Variants in KANK2 observed in about 807,000 individuals in gnomAD.
The protein encoded by KANK2 is KN motif and ankyrin repeat domains 2.
A neutral mutation model predicts 74.6 loss-of-function variants in KANK2; 41 were observed. That is an observed-to-expected ratio of 0.55 (90% confidence interval 0.43 to 0.71). KANK2 has a LOEUF of 0.71. Among genes scored for constraint, KANK2 ranks in the 30% least tolerant of loss-of-function variants. KANK2 has a pLI of 0.00. For missense variants in KANK2, 1,148 were observed against 1,196.4 expected (o/e 0.96, Z 0.60); for synonymous variants, 537 against 519.0 (o/e 1.03, Z -0.47).
chr19:11,189,196 GTCC>G (rs924801358), intron 4 of KANK2, among the ~76,000 whole-genome samples: 2 of 146,244 alleles, frequency 1.4e-5, no homozygotes, highest in Non-Finnish European at 3.0e-5. Flanking sequence ...GGCTCAAGCA[GTCC>G]TCCTGTTTTG....
chr19:11,175,837 G>T, intron 8 of KANK2, 65 bp downstream of exon 8: 7 of 1,191,406 alleles, frequency 5.9e-6, no homozygotes, highest in Non-Finnish European at 8.7e-6. Context: ...ATGAGGAGAG[G>T]CCACGGGTGG....
At position 11,193,713 on chromosome 19, in the gene KANK2, G is replaced by A. The variant is rs766779587; in HGVS notation, c.367C>T (p.Arg123Trp). 6.8e-6 allele frequency: 11 copies of A among 1,611,974 alleles called. No homozygotes were observed. The African/African-American group carries it at 8.0e-5, about 12-fold the overall frequency. Residue 123 changes from arginine (R) to tryptophan (W), a missense_variant, in exon 4 of 13, where the codon CGG becomes TGG. Transcript: ENST00000586659. The surrounding 1 kb of genome is among the most constrained non-coding windows in gnomAD (Gnocchi z 9.6). Reference sequence around the variant, plus strand: ...GCATCCAGCAGCGTGCGCTCCACCCGCGGATTGAAGCCACCGCGGGTCTCC... The same window carrying A: ...GCATCCAGCAGCGTGCGCTCCACCCACGGATTGAAGCCACCGCGGGTCTCC... Reference protein sequence around the residue: ...ALETRGGFNPRVERTLLDARR... With the variant: ...ALETRGGFNPWVERTLLDARR...
intron 4 of KANK2, among the ~76,000 whole-genome samples, chr19:11,184,105 G>A (rs997706217): frequency 6.6e-6 from 1 of 152,162 alleles, no homozygotes; most frequent in African/African-American, 2.4e-5. Flanking sequence ...GGCCAGGCAT[G>A]GTGGCTCATG....
At chr19:11,185,406 C>T (rs2078647841) in intron 4 of KANK2, among the ~76,000 whole-genome samples, 1 of 149,230 alleles carries the variant, frequency 6.7e-6, no homozygotes, top group African/African-American at 2.5e-5. Flanking sequence ...GTCTCAAACT[C>T]CTGGCCTCAA....
At position 11,170,114 on chromosome 19, in the gene KANK2, G is replaced by T; in HGVS notation, c.2346C>A (p.His782Gln). 6.2e-7 allele frequency: 1 copy of T among 1,613,282 alleles called. No individual in the cohort carries two copies. The highest frequency in any genetic ancestry group is 8.5e-7 in the Non-Finnish European group (1 of 1,180,024). The change falls in exon 11 of 13, where the codon CAC becomes CAA. Residue 782 changes from histidine to glutamine, a missense_variant. Physicochemically the swap from His to Gln is conservative, Grantham distance 24. Transcript: ENST00000586659. This position sits in a 1 kb window ranked among gnomAD's most constrained non-coding sequence, Gnocchi z 5.2. Reference sequence around the variant, plus strand: ...GCAGCCCCGCGATCTCCTTGTGGCCGTGCTCACAGGCGCACATGAGGGCCG... The same window carrying T: ...GCAGCCCCGCGATCTCCTTGTGGCCTTGCTCACAGGCGCACATGAGGGCCG... The part of the protein sequence containing the change: ...GSTALMCACE[H>Q]GHKEIAGLLL...
At chr19:11,180,308 T>C (rs1320072110) in intron 4 of KANK2, among the ~76,000 whole-genome samples, 1 of 152,166 alleles carries the variant, frequency 6.6e-6, no homozygotes, top group African/African-American at 2.4e-5. Context: ...TTGTCCAGGC[T>C]GCTCTAGAAC....
In KANK2 at chr19:11,173,112, C is replaced by G; in HGVS notation, c.2080G>C (p.Val694Leu). ...QQLLDSGVCK[V>L]DKQNRAGYSP... is the part of the protein sequence containing the mutation. ...TAGCCAGCACGGTTCTGTTTGTCCA[C>G]CTTGCAGACACCTAAGAGACATGGT... Residue 694 changes from valine (V) to leucine (L), a missense_variant, in exon 10 of 13, where the codon GTG becomes CTG. Coordinates refer to ENST00000586659, the MANE Select transcript of KANK2 (RefSeq NM_001136191.3). 6.2e-7 allele frequency: 1 copy of G among 1,613,380 alleles called. No homozygotes were observed. The highest frequency in any genetic ancestry group is 1.3e-5 in the African/African-American group (1 of 75,010).
At chr19:11,192,804 C>A in intron 4 of KANK2, 27 bp downstream of exon 4, 5 of 1,296,356 alleles carry the variant, frequency 3.9e-6, no homozygotes, top group Non-Finnish European at 5.4e-6. Context: ...CCAAGCCATT[C>A]TCCCCTGCCT....
chr19:11,188,909 C>T (rs998291167), intron 4 of KANK2, among the ~76,000 whole-genome samples: 1 of 151,146 alleles, frequency 6.6e-6, no homozygotes, highest in Non-Finnish European at 1.5e-5. Context: ...CGTTTGAACC[C>T]AGGAGGTGGA....
Position 11,194,571 on chromosome 19 carries a change from C to T in KANK2, c.-60G>A. 1 of 1,371,826 alleles carries T rather than the reference C, an allele frequency of 7.3e-7. No homozygotes were observed. Among genetic ancestry groups the T allele is most frequent in the Non-Finnish European group, 1.0e-6 (1 of 961,260 alleles). 85.0% of individuals were successfully genotyped at this position (1,371,826 alleles called of 1,614,324 possible). On this transcript the variant is annotated 5_prime_UTR_variant, in exon 3 of 13. Transcript: ENST00000586659. ...GAGGGACTGCGAGTCAGACTGCCTG[C>T]AGCACCGGCTGAGGCTTACCTGGGG...
Position 11,193,624 on chromosome 19 carries a change from C to G in KANK2, c.456G>C (p.Ala152=), listed in dbSNP as rs377258534. ...PTGLGSLTPS[A]AGSTASLVGV... is the part of the protein sequence containing the mutation. ...CCACCAGGGAGGCTGTCGAGCCGGC[C>G]GCACTGGGGGTCAGGGAGCCCAGGC... Residue 152 remains alanine, a synonymous_variant, in exon 4 of 13, where the codon GCG becomes GCC. Coordinates refer to ENST00000586659, the MANE Select transcript of KANK2 (RefSeq NM_001136191.3). The surrounding 1 kb of genome is among the most constrained non-coding windows in gnomAD (Gnocchi z 9.6). 4.3e-5 allele frequency: 69 copies of G among 1,588,998 alleles called. No individual in the cohort carries two copies. In the African/African-American group the frequency reaches 9.0e-4, roughly 21 times the overall value.
At chr19:11,183,278 G>A (rs931795290) in intron 4 of KANK2, among the ~76,000 whole-genome samples, 1 of 152,212 alleles carries the variant, frequency 6.6e-6, no homozygotes, top group Admixed American at 6.6e-5. Flanking sequence ...AAGACAGAGG[G>A]GGTTTCCCCA....
chr19:11,176,075 A>C, intron 7 of KANK2, 86 bp from the exon 8 acceptor site: 1 of 1,006,450 alleles, frequency 9.9e-7, no homozygotes, highest in African/African-American at 1.6e-5. Flanking sequence ...CACGTCACTC[A>C]CAATAGGGTC....
chr19:11,167,368 A>AT (rs376142819), intron 12 of KANK2, among the ~76,000 whole-genome samples: 1,937 of 149,990 alleles, frequency 0.013, 45 homozygotes, highest in African/African-American at 0.045. Context: ...CCCGGCCTAG[A>AT]TTTTTTTTTG....
chr19:11,183,132 C>T (rs59527377), intron 4 of KANK2, among the ~76,000 whole-genome samples: 1 of 152,290 alleles, frequency 6.6e-6, no homozygotes, highest in South Asian at 2.1e-4. Context: ...AACAAGAGCA[C>T]AGATGGAGTA....
At chr19:11,184,961 C>T (rs545074932) in intron 4 of KANK2, among the ~76,000 whole-genome samples, 12 of 148,472 alleles carry the variant, frequency 8.1e-5, no homozygotes, top group African/African-American at 1.5e-4. Context: ...TACAGGCACC[C>T]GCCATCATGC....
rs2077993518 is a variant in KANK2, at chr19:11,165,035, G to A, written c.*1523C>T. The A allele has an allele frequency of 6.6e-6, 1 of 152,120 alleles. No individual in the cohort carries two copies. Among genetic ancestry groups the A allele is most frequent in the Non-Finnish European group, 1.5e-5 (1 of 68,028 alleles). 9.4% of individuals were successfully genotyped at this position (152,120 alleles called of 1,614,324 possible). A position where few individuals can be genotyped will look rare whatever the true frequency, so the allele number is the denominator to read the frequency against. ...CCTGATCACAAAGCACATTTTTAGA[G>A]GCTTGGAACCCTTCCCTTTCTGTTG... On this transcript the variant is annotated 3_prime_UTR_variant, in exon 13 of 13. Coordinates refer to ENST00000586659, the MANE Select transcript of KANK2 (RefSeq NM_001136191.3).
chr19:11,169,772 C>A, intron 12 of KANK2, 105 bp downstream of exon 12: 1 of 969,008 alleles, frequency 1.0e-6, no homozygotes, highest in South Asian at 1.5e-5. Context: ...CCGCACTCCA[C>A]CCTGGGCGAC....
Position 11,193,958 on chromosome 19 carries a change from C to T in KANK2, c.122G>A (p.Arg41His), listed in dbSNP as rs766119952. ...PYSVETPYGY[R>H]LDLDFLKYVD... ...GTACTTGAGGAAGTCCAGGTCCAGG[C>T]GGTAGCCATAGGGGGTCTCCACGGA... The change falls in exon 4 of 13, where the codon CGC becomes CAC. Residue 41 changes from arginine to histidine, a missense_variant. Coordinates refer to ENST00000586659, the MANE Select transcript of KANK2 (RefSeq NM_001136191.3). This position sits in a 1 kb window ranked among gnomAD's most constrained non-coding sequence, Gnocchi z 9.6. 6.2e-6 allele frequency: 10 copies of T among 1,613,870 alleles called. No individual in the cohort carries two copies. The highest frequency in any genetic ancestry group is 4.4e-5 in the South Asian group (4 of 91,084).
Sources: gnomAD v4.1 joint callset for allele counts (sites outside exome capture counted in the v4.1 genomes callset) on GRCh38, gnomAD v4.1.1 for gene constraint, Gnocchi (gnomAD v3.1) non-coding constraint, MANE v1.5 for transcripts, NCBI Gene and HGNC (gene_info 2026-07-23, HGNC 2026-07-21) for gene names.